The following FANCA variants were observed in gnomAD, a reference collection of about 807,000 sequenced individuals.
FANCA encodes the protein FA complementation group A, also known as Fanconi anemia group A protein.
In FANCA, 236 loss-of-function variants were observed where a neutral mutation model predicts 194.3. That is an observed-to-expected ratio of 1.21 (90% confidence interval 1.09 to 1.35). FANCA has a LOEUF of 1.35. FANCA is among the 40% of genes most tolerant of loss of function. The pLI is 0.00. For missense variants in FANCA, 2,628 were observed against 1,813.9 expected, an observed-to-expected ratio of 1.45 and a Z score of -8.15; for synonymous variants, 1,014 against 715.8, an observed-to-expected ratio of 1.42 and a Z score of -6.65.
intron 10 of FANCA, among the ~76,000 whole-genome samples, chr16:89,797,239 G>T (rs960675190): frequency 1.3e-5 from 2 of 152,142 alleles, no homozygotes; most frequent in Non-Finnish European, 2.9e-5. Context: ...GCTGAGGCAG[G>T]AGAATCGCTT....
rs1377621197 is a variant in FANCA, at chr16:89,791,439, G to A, written c.1323C>T (p.Gly441=). Residue 441 remains glycine (G), a synonymous_variant, in exon 14 of 43, where the codon GGC becomes GGT. Transcript: ENST00000389301. ...FLVVRQAALE[G]PSAFLSYADW... ...CTGCATATGACAGGAACGCAGAGGG[G>A]CCCTCCAGTGCTGCCTGGCGCACAA... is the stretch of plus-strand genomic sequence containing the variant. 5.0e-6 allele frequency: 8 copies of A among 1,614,082 alleles called. No homozygotes were observed. The highest frequency in any genetic ancestry group is 6.8e-6 in the Non-Finnish European group (8 of 1,179,982).
chr16:89,777,682 G>A (rs956502556), intron 20 of FANCA, among the ~76,000 whole-genome samples: 1 of 152,014 alleles, frequency 6.6e-6, no homozygotes, highest in Non-Finnish European at 1.5e-5. Flanking sequence ...AAAGTTGGTT[G>A]ATACCAACCA....
intron 1 of FANCA, 43 bp downstream of exon 1, chr16:89,816,494 G>T (rs971315661): frequency 1.4e-6 from 2 of 1,453,418 alleles, no homozygotes; most frequent in Non-Finnish European, 1.8e-6. Flanking sequence ...AACCGTCCCG[G>T]GCCGGACGCC....
At chr16:89,791,322 T>C in intron 14 of FANCA, 81 bp downstream of exon 14, 1 of 1,554,036 alleles carries the variant, frequency 6.4e-7, no homozygotes, top group Non-Finnish European at 8.8e-7. Flanking sequence ...TGACAGAGAA[T>C]CAGGTGGGGA....
At chr16:89,788,516 A>T (rs981769032) in intron 14 of FANCA, among the ~76,000 whole-genome samples, 1 of 151,814 alleles carries the variant, frequency 6.6e-6, no homozygotes, top group Non-Finnish European at 1.5e-5. Context: ...TCATCTAACT[A>T]TCTGGACATG....
intron 22 of FANCA, among the ~76,000 whole-genome samples, chr16:89,772,934 T>C (rs1330856714): frequency 6.6e-6 from 1 of 152,168 alleles, no homozygotes; most frequent in East Asian, 1.9e-4. Flanking sequence ...AGAGACCCTG[T>C]GTGTCTGATG....
chr16:89,772,249 G>C (rs1021247312), intron 22 of FANCA, among the ~76,000 whole-genome samples: 2 of 152,230 alleles, frequency 1.3e-5, no homozygotes, highest in African/African-American at 4.8e-5. Flanking sequence ...CACCTGACAT[G>C]TATCAACCTC....
In FANCA at chr16:89,738,660, G is replaced by A. The variant is rs760722877; in HGVS notation, c.4309C>T (p.Gln1437Ter). 5 of 1,613,568 alleles carry A rather than the reference G, an allele frequency of 3.1e-6. No homozygotes were observed. In the Admixed American group the frequency reaches 6.7e-5, roughly 22 times the overall value. ...DCDPEVSAAL[Q>*]SRQQAAPDAD... ...TCAGGGGCAGCCTGCTGTCTGCTCTGGAGGGCGGCGCTCACCTCTGGGTCG... is the reference window on the plus strand; with the variant it reads ...TCAGGGGCAGCCTGCTGTCTGCTCTAGAGGGCGGCGCTCACCTCTGGGTCG... Residue 1437 changes from glutamine to a stop codon, truncating the protein, a stop_gained, in exon 43 of 43, where the codon CAG becomes TAG. Transcript: ENST00000389301. LOFTEE classifies it low-confidence loss of function (END_TRUNC).
chr16:89,810,590 A>C (rs2040838083), intron 5 of FANCA, 117 bp downstream of exon 5: 1 of 783,436 alleles, frequency 1.3e-6, no homozygotes, highest in South Asian at 1.4e-5. Flanking sequence ...CACTCTCTGT[A>C]ATTAATGAGA....
At chr16:89,794,587 T>C (rs1365079514) in intron 11 of FANCA, among the ~76,000 whole-genome samples, 2 of 151,976 alleles carry the variant, frequency 1.3e-5, no homozygotes, top group Admixed American at 6.6e-5. Flanking sequence ...AAACCAATCA[T>C]GGTGGGGATG....
At chr16:89,812,646 C>CAAAAAAAAAAAA (rs71137677) in intron 3 of FANCA, among the ~76,000 whole-genome samples, 2 of 42,356 alleles carry the variant, frequency 4.7e-5, no homozygotes, top group Non-Finnish European at 5.7e-5. Flanking sequence ...TACTCCGTCT[C>CAAAAAAAAAAAA]AAAAAAAAAA....
chr16:89,785,782 C>G (rs938016602), intron 14 of FANCA, among the ~76,000 whole-genome samples: 2 of 151,808 alleles, frequency 1.3e-5, no homozygotes, highest in African/African-American at 4.8e-5. Context: ...AAGTTACCAT[C>G]TATCAGGAAA....
At chr16:89,786,383 G>T (rs1020092261) in intron 14 of FANCA, among the ~76,000 whole-genome samples, 3 of 152,066 alleles carry the variant, frequency 2.0e-5, no homozygotes, top group African/African-American at 7.2e-5. Context: ...GGGTTTCATC[G>T]TGTTGGCCAG....
At position 89,746,742 on chromosome 16, in the gene FANCA, T is replaced by G. The variant is rs1487094836; in HGVS notation, c.3409-54A>C. On this transcript the variant is annotated intron_variant, in intron 34 of 42. Coordinates refer to ENST00000389301, the MANE Select transcript of FANCA (RefSeq NM_000135.4). ...GCGGTTTGTGAGGACCCACAACTAG[T>G]AGAGTGAAGGAACTCACAGGAAGCT... is the stretch of plus-strand genomic sequence containing the variant. The G allele has an allele frequency of 7.5e-6, 12 of 1,600,142 alleles. 1 individual carries two copies. The South Asian group carries it at 1.2e-4, about 16-fold the overall frequency.
chr16:89,757,648 A>C (rs973646831), intron 30 of FANCA, among the ~76,000 whole-genome samples: 3 of 152,198 alleles, frequency 2.0e-5, no homozygotes, highest in African/African-American at 7.2e-5. Context: ...GTAACACAAC[A>C]GTGTGAAGCT....
intron 1 of FANCA, 119 bp from the exon 2 acceptor site, chr16:89,816,105 C>A: frequency 1.3e-6 from 1 of 765,554 alleles, no homozygotes. Context: ...GAAGAGGGGC[C>A]GGGGCTCCTC....
Position 89,812,664 on chromosome 16 carries a change from A to AAC in FANCA, c.284-1594_284-1593insGT, listed in dbSNP as rs1567655778. ...TCCGTCTCAAAAAAAAAAAAAAAAAAAAAAAACTGTTAACTGCAGTACGAA... is the reference window on the plus strand; with the variant it reads ...TCCGTCTCAAAAAAAAAAAAAAAAAAACAAAAAACTGTTAACTGCAGTACGAA... On this transcript the variant is annotated intron_variant, in intron 3 of 42. Coordinates refer to ENST00000389301, the MANE Select transcript of FANCA (RefSeq NM_000135.4). Among the ~76,000 whole-genome samples the AAC allele has an allele frequency of 5.3e-3, 782 of 148,286 alleles. 10 individuals carry two copies. The highest frequency in any genetic ancestry group is 0.019 in the African/African-American group (758 of 40,026).
At chr16:89,761,867 C>A in intron 29 of FANCA, 82 bp downstream of exon 29, 1 of 1,105,566 alleles carries the variant, frequency 9.0e-7, no homozygotes, top group Non-Finnish European at 1.4e-6. Flanking sequence ...TTCAAGAGAT[C>A]TCCTGCCTCA....
chr16:89,782,237 C>T (rs1307024104), intron 17 of FANCA, among the ~76,000 whole-genome samples: 2 of 149,378 alleles, frequency 1.3e-5, no homozygotes, highest in South Asian at 2.2e-4. Context: ...ATTAGCCAGG[C>T]GTGGTGGCGG....
Sources: allele counts gnomAD v4.1 joint callset (sites outside exome capture counted in the v4.1 genomes callset), GRCh38; gene constraint gnomAD v4.1.1; transcripts MANE v1.5; gene names NCBI Gene and HGNC (gene_info 2026-07-23, HGNC 2026-07-21).